Variants in NXPH1 observed in about 807,000 individuals in gnomAD.
NXPH1 encodes the protein neurexophilin 1, also known as neurexophilin-1.
Under a neutral mutation model 23.7 loss-of-function variants are expected in NXPH1, and 5 were observed. That is an observed-to-expected ratio of 0.21 (90% CI 0.11 to 0.44). The LOEUF (loss-of-function observed/expected upper bound fraction) is 0.44, where lower values mean the gene tolerates loss of function less well. Among genes scored for constraint, NXPH1 ranks in the 20% least tolerant of loss-of-function variants. NXPH1 has a pLI of 0.99. For missense variants in NXPH1, 324 were observed against 321.6 expected (o/e 1.01, Z -0.06); for synonymous variants, 144 against 122.2 (o/e 1.18, Z -1.18).
At chr7:8,675,621 G>A (rs145876022) in intron 2 of NXPH1, among the ~76,000 whole-genome samples, 7 of 152,082 alleles carry the variant, frequency 4.6e-5, no homozygotes, top group Non-Finnish European at 7.4e-5. Flanking sequence ...GACAACTTCC[G>A]TACAATATGG....
intron 2 of NXPH1, among the ~76,000 whole-genome samples, chr7:8,545,499 T>G (rs1164803395): frequency 6.6e-6 from 1 of 151,520 alleles, no homozygotes; most frequent in Non-Finnish European, 1.5e-5. Flanking sequence ...AGATTTTACT[T>G]CGAGGGCATA....
chr7:8,502,921 C>T (rs1256113020), intron 2 of NXPH1, among the ~76,000 whole-genome samples: 1 of 151,934 alleles, frequency 6.6e-6, no homozygotes, highest in Admixed American at 6.6e-5. Flanking sequence ...GGGCTGGCCA[C>T]TTCATGATGC....
intron 2 of NXPH1, among the ~76,000 whole-genome samples, chr7:8,649,036 T>C (rs201771102): frequency 1.6e-4 from 2 of 12,902 alleles, no homozygotes; most frequent in Admixed American, 3.0e-3. Flanking sequence ...ACTTTTTTAG[T>C]TTTTTTTGTA....
intron 2 of NXPH1, among the ~76,000 whole-genome samples, chr7:8,533,496 T>A (rs1350239871): frequency 1.3e-5 from 2 of 152,068 alleles, no homozygotes; most frequent in Admixed American, 6.6e-5. Context: ...TTTAAAAAAA[T>A]TCAGGTTAGT....
chr7:8,577,882 T>G (rs1818784886), intron 2 of NXPH1, among the ~76,000 whole-genome samples: 1 of 152,202 alleles, frequency 6.6e-6, no homozygotes. Flanking sequence ...CTGAGGCTAC[T>G]TATCGTACCA....
chr7:8,558,244 C>T (rs1342458783), intron 2 of NXPH1, among the ~76,000 whole-genome samples: 3 of 151,562 alleles, frequency 2.0e-5, no homozygotes, highest in South Asian at 2.1e-4. Flanking sequence ...TTCGGTGACA[C>T]ATTTTATCTA....
intron 2 of NXPH1, among the ~76,000 whole-genome samples, chr7:8,748,896 G>T (rs1238332768): frequency 6.6e-6 from 1 of 152,194 alleles, no homozygotes; most frequent in Non-Finnish European, 1.5e-5. Context: ...TTTCTGTGGT[G>T]AGAATAGTCC....
chr7:8,628,951 C>T (rs1820062040), intron 2 of NXPH1, among the ~76,000 whole-genome samples: 1 of 150,720 alleles, frequency 6.6e-6, no homozygotes, highest in Admixed American at 6.7e-5. Flanking sequence ...TGAGATTGGT[C>T]AAGGCCACAG....
chr7:8,436,765 C>G (rs1816203468), intron 2 of NXPH1, among the ~76,000 whole-genome samples: 1 of 152,138 alleles, frequency 6.6e-6, no homozygotes, highest in Non-Finnish European at 1.5e-5. Context: ...GTGAGGTGCG[C>G]TAAAGCAGCC....
intron 2 of NXPH1, among the ~76,000 whole-genome samples, chr7:8,459,576 CATT>C (rs1293074773): frequency 6.6e-6 from 1 of 152,160 alleles, no homozygotes; most frequent in Admixed American, 6.5e-5. Context: ...CTTCTAGAAA[CATT>C]AATGCAAATG....
At chr7:8,603,429 C>G (rs1819409177) in intron 2 of NXPH1, among the ~76,000 whole-genome samples, 1 of 150,928 alleles carries the variant, frequency 6.6e-6, no homozygotes, top group Admixed American at 6.6e-5. Context: ...TGTTTTTTTG[C>G]TCAGCTGGAC....
intron 2 of NXPH1, among the ~76,000 whole-genome samples, chr7:8,720,998 G>A (rs1259516778): frequency 6.6e-6 from 1 of 152,186 alleles, no homozygotes; most frequent in Non-Finnish European, 1.5e-5. Context: ...TGCATGTATT[G>A]GATATAGATT....
chr7:8,698,651 A>C (rs1164951323), intron 2 of NXPH1, among the ~76,000 whole-genome samples: 3 of 152,186 alleles, frequency 2.0e-5, no homozygotes, highest in African/African-American at 7.2e-5. Flanking sequence ...TATGAATTTT[A>C]TTTCAGAGTG....
At chr7:8,722,791 T>G (rs1779990615) in intron 2 of NXPH1, among the ~76,000 whole-genome samples, 2 of 152,330 alleles carry the variant, frequency 1.3e-5, no homozygotes, top group South Asian at 4.2e-4. Context: ...ATTTTGGCTC[T>G]GCTCCTAACC....
At chr7:8,458,062 T>G (rs1056236250) in intron 2 of NXPH1, among the ~76,000 whole-genome samples, 1 of 152,246 alleles carries the variant, frequency 6.6e-6, no homozygotes, top group South Asian at 2.1e-4. Flanking sequence ...TTTCAAAAAT[T>G]ATGAAAATAA....
At chr7:8,495,051 G>T (rs935992207) in intron 2 of NXPH1, among the ~76,000 whole-genome samples, 2 of 152,046 alleles carry the variant, frequency 1.3e-5, no homozygotes, top group African/African-American at 4.8e-5. Flanking sequence ...TCATGGATTA[G>T]TTAGGTTTCT....
intron 2 of NXPH1, among the ~76,000 whole-genome samples, chr7:8,459,423 T>G (rs867056159): frequency 1.3e-5 from 2 of 152,150 alleles, no homozygotes; most frequent in South Asian, 2.1e-4. Context: ...AACACAAAAT[T>G]AATTAAATTG....
At chr7:8,550,367 G>A (rs6463819) in intron 2 of NXPH1, among the ~76,000 whole-genome samples, 1 of 151,412 alleles carries the variant, frequency 6.6e-6, no homozygotes, top group Non-Finnish European at 1.5e-5. Flanking sequence ...AAAACAAAAT[G>A]GATAATATAT....
At chr7:8,668,260 T>TC (rs1454857417) in intron 2 of NXPH1, among the ~76,000 whole-genome samples, 3 of 82,934 alleles carry the variant, frequency 3.6e-5, no homozygotes, top group Non-Finnish European at 8.2e-5. Context: ...CTCTTTGTTT[T>TC]TTTTTTTTTA....
Sources: allele counts gnomAD v4.1 joint callset (sites outside exome capture counted in the v4.1 genomes callset), GRCh38; gene constraint gnomAD v4.1.1; transcripts MANE v1.5; gene names NCBI Gene and HGNC (gene_info 2026-07-23, HGNC 2026-07-21).